Variants in UBE4B observed in about 807,000 individuals in gnomAD.
The protein encoded by UBE4B is ubiquitin conjugation factor E4 B.
Under a neutral mutation model 148.1 loss-of-function variants are expected in UBE4B, and 27 were observed. The ratio of observed to expected loss-of-function variants is 0.18; its 90% confidence interval spans 0.13 to 0.25. The LOEUF (loss-of-function observed/expected upper bound fraction) is 0.25. UBE4B is among the 10% of genes least tolerant of loss of function. UBE4B has a pLI of 1.00. For missense variants in UBE4B, 1,170 were observed against 1,662.4 expected, an observed-to-expected ratio of 0.70 and a Z score of 5.15; for synonymous variants, 596 against 619.3, an observed-to-expected ratio of 0.96 and a Z score of 0.56.
In UBE4B at chr1:10,161,344, G is replaced by A; in HGVS notation, c.3198+58G>A. On this transcript the variant is annotated intron_variant, in intron 23 of 27. Coordinates refer to ENST00000343090, the MANE Select transcript of UBE4B (RefSeq NM_001105562.3). The surrounding 1 kb of genome is among the most constrained non-coding windows in gnomAD (Gnocchi z 4.1). The stretch of plus-strand genomic sequence containing the variant: ...TGCAGGCCATCTGCCTCCACACACG[G>A]GCAGAGCTGCTTTGGGGCTGCATTT... The A allele has an allele frequency of 3.8e-6, 6 of 1,583,286 alleles. No homozygotes were observed. Among genetic ancestry groups the A allele is most frequent in the Non-Finnish European group, 5.2e-6 (6 of 1,161,630 alleles).
chr1:10,063,908 A>G (rs1644335126), intron 1 of UBE4B, among the ~76,000 whole-genome samples: 1 of 150,790 alleles, frequency 6.6e-6, no homozygotes. Context: ...AACTGTCTCA[A>G]TGAAAAAAAA....
At chr1:10,133,728 T>C (rs1046134106) in intron 15 of UBE4B, among the ~76,000 whole-genome samples, 2 of 151,864 alleles carry the variant, frequency 1.3e-5, no homozygotes, top group Non-Finnish European at 2.9e-5. Flanking sequence ...CCTGGCGACA[T>C]AATGAGACCC....
intron 6 of UBE4B, 140 bp downstream of exon 6, chr1:10,105,884 C>T: frequency 3.1e-6 from 3 of 973,556 alleles, no homozygotes; most frequent in Non-Finnish European, 4.4e-6. Flanking sequence ...TGGATTTAGT[C>T]ATTGGAAGTG....
In UBE4B at chr1:10,126,864, A is replaced by C. The variant is rs1245203502; in HGVS notation, c.1625A>C (p.Lys542Thr). Residue 542 changes from lysine to threonine, a missense_variant, in exon 11 of 28, where the codon AAA (lysine) becomes ACA (threonine). Lys to Thr is a moderately conservative substitution (Grantham distance 78). Transcript: ENST00000343090. ...KECSLDSDYF[K>T]YPLMALGELC... is the part of the protein sequence containing the mutation. ...TGCTCCCTCGACAGTGACTACTTTAAATACCCCCTCATGGTAAAACTTTGT... is the reference window on the plus strand; with the variant it reads ...TGCTCCCTCGACAGTGACTACTTTACATACCCCCTCATGGTAAAACTTTGT... 6.2e-7 allele frequency: 1 copy of C among 1,613,896 alleles called. No homozygotes were observed. Among genetic ancestry groups the C allele is most frequent in the Non-Finnish European group, 8.5e-7 (1 of 1,179,796 alleles).
intron 2 of UBE4B, among the ~76,000 whole-genome samples, chr1:10,093,818 C>CTGG (rs1644886813): frequency 6.6e-6 from 1 of 151,992 alleles, no homozygotes; most frequent in Non-Finnish European, 1.5e-5. Flanking sequence ...CCTGAACCTC[C>CTGG]CAAGTAGCTG....
chr1:10,143,484 T>A (rs1436317694), intron 17 of UBE4B, among the ~76,000 whole-genome samples: 1 of 152,212 alleles, frequency 6.6e-6, no homozygotes, highest in Non-Finnish European at 1.5e-5. Context: ...TCTCTGTCTC[T>A]GAGTCCTTTT....
At chr1:10,096,907 T>C (rs2101877154) in intron 3 of UBE4B, among the ~76,000 whole-genome samples, 1 of 151,174 alleles carries the variant, frequency 6.6e-6, no homozygotes, top group South Asian at 2.1e-4. Flanking sequence ...GGTGTGGTGT[T>C]GCATGCCTGT....
rs1205613284 is a variant in UBE4B, at chr1:10,105,555, T to C, written c.620T>C (p.Met207Thr). 1 of 1,614,210 alleles carries C rather than the reference T, an allele frequency of 6.2e-7. No homozygotes were observed. The highest frequency in any genetic ancestry group is 8.5e-7 in the Non-Finnish European group (1 of 1,180,044). The change falls in exon 6 of 28, where the codon ATG becomes ACG. Residue 207 changes from methionine to threonine, a missense_variant. Around this residue, in one of 6 missense-constraint regions of UBE4B, gnomAD observed 91 missense variants for 120.5 expected, o/e 0.76. Coordinates refer to ENST00000343090, the MANE Select transcript of UBE4B (RefSeq NM_001105562.3). ...DFKDLIGQILMEVLMMSTQTR... is the reference protein window; with the variant it reads ...DFKDLIGQILTEVLMMSTQTR... ...AAGGACTTGATTGGCCAGATTTTAA[T>C]GGAAGTGCTAATGATGTCCACTCAG...
At chr1:10,166,037 G>T (rs535027061) in intron 23 of UBE4B, among the ~76,000 whole-genome samples, 1 of 152,240 alleles carries the variant, frequency 6.6e-6, no homozygotes, top group East Asian at 1.9e-4. Flanking sequence ...CTTTCTTTCA[G>T]TAGGCTCATT....
chr1:10,090,060 G>T (rs1003399206), intron 2 of UBE4B, among the ~76,000 whole-genome samples: 2 of 151,492 alleles, frequency 1.3e-5, no homozygotes, highest in Admixed American at 6.6e-5. Context: ...CCAAAGGACT[G>T]TTCAGCAGTC....
chr1:10,047,488 CTTTTTTT>C (rs952378949), intron 1 of UBE4B, among the ~76,000 whole-genome samples: 32 of 116,036 alleles, frequency 2.8e-4, no homozygotes, highest in African/African-American at 8.8e-4. Flanking sequence ...CTTCATATAT[CTTTTTTT>C]TTTTTTTTTT....
At chr1:10,142,082 G>C (rs1427558443) in intron 17 of UBE4B, among the ~76,000 whole-genome samples, 1 of 151,766 alleles carries the variant, frequency 6.6e-6, no homozygotes, top group African/African-American at 2.4e-5. Context: ...ATAATTAGAG[G>C]TAGCCACTCC....
At chr1:10,059,579 A>C (rs539521467) in intron 1 of UBE4B, 1 of 213,294 alleles carries the variant, frequency 4.7e-6, no homozygotes. Context: ...AAGCCCATTG[A>C]GCTCATGCAG....
chr1:10,101,331 G>A (rs1645006567), intron 4 of UBE4B, 136 bp downstream of exon 4: 1 of 750,438 alleles, frequency 1.3e-6, no homozygotes, highest in South Asian at 1.9e-5. Context: ...ATTCTTTTGA[G>A]GAAAAATGAA....
At chr1:10,099,457 A>G (rs1644975852) in intron 3 of UBE4B, among the ~76,000 whole-genome samples, 1 of 152,190 alleles carries the variant, frequency 6.6e-6, no homozygotes, top group Non-Finnish European at 1.5e-5. Flanking sequence ...AAATTTTTAT[A>G]GAGAAAATTA....
intron 2 of UBE4B, among the ~76,000 whole-genome samples, chr1:10,083,500 C>T (rs1229216185): frequency 6.6e-6 from 1 of 152,216 alleles, no homozygotes; most frequent in African/African-American, 2.4e-5. Flanking sequence ...GCTAAGAATG[C>T]TATCCACAAT....
intron 12 of UBE4B, among the ~76,000 whole-genome samples, chr1:10,129,658 C>T (rs1444950774): frequency 6.6e-6 from 1 of 151,828 alleles, no homozygotes; most frequent in African/African-American, 2.4e-5. Flanking sequence ...ATTTTTTTCC[C>T]TTTTTTTTCT....
intron 2 of UBE4B, among the ~76,000 whole-genome samples, chr1:10,081,650 G>A (rs148413280): frequency 4.6e-5 from 7 of 151,556 alleles, no homozygotes; most frequent in East Asian, 2.0e-4. Flanking sequence ...GTGTAATGGC[G>A]TAATCTTGGC....
intron 22 of UBE4B, among the ~76,000 whole-genome samples, chr1:10,159,468 C>T (rs1426950729): frequency 2.6e-5 from 4 of 152,158 alleles, no homozygotes; most frequent in Admixed American, 6.5e-5. Context: ...GTCAGGAGAT[C>T]GAGACCATCC....
Sources: allele counts gnomAD v4.1 joint callset (sites outside exome capture counted in the v4.1 genomes callset), GRCh38; gene constraint gnomAD v4.1.1; regional missense constraint gnomAD v4.1.1; non-coding constraint Gnocchi (gnomAD v3.1); transcripts MANE v1.5; gene names NCBI Gene and HGNC (gene_info 2026-07-23, HGNC 2026-07-21).